The following ZNF682 variants were observed in gnomAD, a reference collection of about 807,000 sequenced individuals.
The protein encoded by ZNF682 is zinc finger protein 682.
A neutral mutation model predicts 36.5 loss-of-function variants in ZNF682; 29 were observed. The observed-to-expected ratio is 0.80, with a 90% CI of 0.59 to 1.08. The LOEUF is 1.08. Among genes scored for constraint, ZNF682 ranks in the 50% least tolerant of loss-of-function variants. The probability of loss-of-function intolerance (pLI) is 0.00; values close to 1 mark genes in which losing one functional copy is unlikely to be tolerated. For missense variants in ZNF682, 561 were observed against 579.7 expected (o/e 0.97, Z 0.33); for synonymous variants, 180 against 197.0 (o/e 0.91, Z 0.72).
At chr19:20,007,976 A>C (rs1366744684) in intron 3 of ZNF682, 1 of 152,426 alleles carries the variant, frequency 6.6e-6, no homozygotes, top group Non-Finnish European at 1.5e-5. Context: ...GCACCGTCCA[A>C]GATGACCTAC....
At chr19:20,001,315 G>GAAGT (rs1248801313), downstream of ZNF682, among the ~76,000 whole-genome samples, 1 of 152,180 alleles carries the variant, frequency 6.6e-6, no homozygotes, top group Non-Finnish European at 1.5e-5. Context: ...TATGACTAGG[G>GAAGT]AAGTTTTTAT....
chr19:20,013,835 C>T (rs1260821346), intron 3 of ZNF682, among the ~76,000 whole-genome samples: 2 of 152,220 alleles, frequency 1.3e-5, no homozygotes, highest in Non-Finnish European at 2.9e-5. Flanking sequence ...CTGCATCGGC[C>T]TCCCAAAGTG....
At position 20,006,123 on chromosome 19, in the gene ZNF682, T is replaced by C; in HGVS notation, c.1379A>G (p.Lys460Arg). Residue 460 changes from lysine (K) to arginine (R), a missense_variant, in exon 4 of 4, where the codon AAA becomes AGA. Transcript: ENST00000397165. ...AAGATGTGAGCACCGTTTAAAAGCT[T>C]TGCCACATTCTTCACATTTATAGCG... is the stretch of plus-strand genomic sequence containing the variant. ...VKRYKCEECG[K>R]AFKRCSHLNE... The C allele has an allele frequency of 6.2e-7, 1 of 1,613,692 alleles. No homozygotes were observed. The highest frequency in any genetic ancestry group is 1.3e-5 in the African/African-American group (1 of 75,036).
At chr19:20,022,813 A>C (rs1211693896) in intron 3 of ZNF682, among the ~76,000 whole-genome samples, 191 bp downstream of exon 3, 1 of 152,218 alleles carries the variant, frequency 6.6e-6, no homozygotes, top group East Asian at 1.9e-4. Flanking sequence ...ACCTCAAAGT[A>C]AGGTTACTTT....
chr19:20,036,814 GAAAAAA>G (rs869238931), intron 1 of ZNF682, among the ~76,000 whole-genome samples: 1 of 19,900 alleles, frequency 5.0e-5, no homozygotes, highest in African/African-American at 1.4e-4. Flanking sequence ...AAAAAAAAAA[GAAAAAA>G]AAAAAAAAAA....
At chr19:20,026,173 G>A (rs1010229785) in intron 1 of ZNF682, among the ~76,000 whole-genome samples, 2 of 151,702 alleles carry the variant, frequency 1.3e-5, no homozygotes, top group African/African-American at 4.8e-5. Context: ...TGTGGTGGTG[G>A]GCGCCTGTAG....
At chr19:20,036,474 C>T (rs1289945764) in intron 1 of ZNF682, among the ~76,000 whole-genome samples, 2 of 151,666 alleles carry the variant, frequency 1.3e-5, no homozygotes, top group Non-Finnish European at 1.5e-5. Context: ...GGTGTGGTGA[C>T]GGGCACCTGT....
rs908036994 is a variant in ZNF682 at position 20,004,776 on chromosome 19, T to G, written c.*1229A>C. Reference sequence around the variant, plus strand: ...GGAATAAAGACACAGCATCAAGTAATTTGAGAGTTCAATTACATCAAAATT... The same window carrying G: ...GGAATAAAGACACAGCATCAAGTAAGTTGAGAGTTCAATTACATCAAAATT... On this transcript the variant is annotated 3_prime_UTR_variant, in exon 4 of 4. Transcript: ENST00000397165. 7 of 152,232 alleles carry G rather than the reference T, an allele frequency of 4.6e-5. No individual in the cohort carries two copies. The highest frequency in any genetic ancestry group is 1.0e-4 in the Non-Finnish European group (7 of 68,042). 9.4% of individuals were successfully genotyped at this position (152,232 alleles called of 1,614,324 possible).
At chr19:20,019,507 G>A (rs2088365962) in intron 3 of ZNF682, among the ~76,000 whole-genome samples, 1 of 151,934 alleles carries the variant, frequency 6.6e-6, no homozygotes, top group Admixed American at 6.6e-5. Context: ...TTTCTGCACA[G>A]CAAAGAAAAT....
chr19:20,018,304 C>T (rs1007102803), intron 3 of ZNF682, among the ~76,000 whole-genome samples: 5 of 151,460 alleles, frequency 3.3e-5, no homozygotes, highest in African/African-American at 9.7e-5. Flanking sequence ...CGTTTTTAGC[C>T]GGGATGGTCT....
intron 3 of ZNF682, among the ~76,000 whole-genome samples, chr19:20,018,768 T>G (rs1288651536): frequency 6.6e-6 from 1 of 152,132 alleles, no homozygotes; most frequent in East Asian, 1.9e-4. Context: ...TATAACAAAC[T>G]TCCTAGATAA....
intron 3 of ZNF682, among the ~76,000 whole-genome samples, chr19:20,018,897 A>T (rs1469163186): frequency 6.6e-6 from 1 of 152,168 alleles, no homozygotes; most frequent in African/African-American, 2.4e-5. Flanking sequence ...ATAATAGAGA[A>T]ATGGGACTAC....
chr19:20,027,720 T>C (rs900485572), intron 1 of ZNF682, among the ~76,000 whole-genome samples: 4 of 149,612 alleles, frequency 2.7e-5, no homozygotes, highest in Admixed American at 1.3e-4. Context: ...GATCGCACCA[T>C]TGCACTCCAG....
Position 20,038,756 on chromosome 19 carries a change from A to C in ZNF682, c.3+587T>G, listed in dbSNP as rs566877078. ...ATAACCAGGCAATGACAACCTGAATAGTCTAAATAAGATGACTACATAACT... is the reference window on the plus strand; with the variant it reads ...ATAACCAGGCAATGACAACCTGAATCGTCTAAATAAGATGACTACATAACT... On this transcript the variant is annotated intron_variant, in intron 1 of 3. Coordinates refer to ENST00000397165, the MANE Select transcript of ZNF682 (RefSeq NM_033196.3). 3.3e-5 allele frequency among the ~76,000 whole-genome samples: 5 copies of C among 152,322 alleles called. No homozygotes were observed. In the South Asian group the frequency reaches 1.0e-3, roughly 32 times the overall value.
intron 3 of ZNF682, among the ~76,000 whole-genome samples, chr19:19,998,737 G>A (rs953561178): frequency 7.9e-5 from 12 of 152,000 alleles, no homozygotes; most frequent in Non-Finnish European, 1.5e-4. Flanking sequence ...ATTGGCCTGA[G>A]CACTCCCTCA....
chr19:20,003,404 A>G (rs148976447), downstream of ZNF682, among the ~76,000 whole-genome samples: 427 of 152,022 alleles, frequency 2.8e-3, 2 homozygotes, highest in African/African-American at 9.8e-3. Flanking sequence ...TACTTTATAA[A>G]CTTTGGAACA....
intron 1 of ZNF682, among the ~76,000 whole-genome samples, chr19:20,033,222 G>A (rs1217554400): frequency 1.3e-5 from 2 of 151,472 alleles, no homozygotes; most frequent in African/African-American, 2.4e-5. Flanking sequence ...GCGGTGAGCC[G>A]AGATCACACC....
At chr19:20,026,430 T>TAC (rs2088432199) in intron 1 of ZNF682, among the ~76,000 whole-genome samples, 1 of 152,158 alleles carries the variant, frequency 6.6e-6, no homozygotes, top group South Asian at 2.1e-4. Context: ...CTTAGGTATC[T>TAC]ACACCTTTCC....
At chr19:20,007,585 A>G in intron 3 of ZNF682, 1 of 272,692 alleles carries the variant, frequency 3.7e-6, no homozygotes, top group Non-Finnish European at 6.8e-6. Flanking sequence ...TGGAAGGGAT[A>G]TGTGAAGAAA....
Sources: allele counts gnomAD v4.1 joint callset (sites outside exome capture counted in the v4.1 genomes callset), GRCh38; gene constraint gnomAD v4.1.1; transcripts MANE v1.5; gene names NCBI Gene and HGNC (gene_info 2026-07-23, HGNC 2026-07-21).